The following MORC3 variants were observed in gnomAD, a reference collection of about 807,000 sequenced individuals.
MORC3 encodes MORC family CW-type zinc finger protein 3.
A neutral mutation model predicts 109.1 loss-of-function variants in MORC3; 31 were observed. That is an observed-to-expected ratio of 0.28 (90% CI 0.21 to 0.38). The LOEUF is 0.38. Ranked by LOEUF, MORC3 falls within the 10% of genes least tolerant of loss-of-function variation. The pLI is 1.00. For missense variants in MORC3, 867 were observed against 1,135.8 expected, an observed-to-expected ratio of 0.76 and a Z score of 3.40; for synonymous variants, 395 against 380.7, an observed-to-expected ratio of 1.04 and a Z score of -0.44.
At chr21:36,342,963 G>C (rs770791999) in intron 6 of MORC3, among the ~76,000 whole-genome samples, 1 of 151,484 alleles carries the variant, frequency 6.6e-6, no homozygotes, top group Non-Finnish European at 1.5e-5. Context: ...AGGTTGTGGT[G>C]AGCCAAGACC....
chr21:36,355,801 A>AG (rs1029038006), intron 9 of MORC3, among the ~76,000 whole-genome samples: 1 of 151,944 alleles, frequency 6.6e-6, no homozygotes, highest in African/African-American at 2.4e-5. Flanking sequence ...TGAAAAAAAA[A>AG]AAAAATTAGC....
intron 2 of MORC3, among the ~76,000 whole-genome samples, chr21:36,334,791 C>T (rs999944871): frequency 5.3e-5 from 8 of 152,214 alleles, no homozygotes; most frequent in African/African-American, 1.9e-4. Flanking sequence ...GGCAAGGTTG[C>T]GGTCTGATTT....
chr21:36,344,371 T>TG (rs2085485230), intron 6 of MORC3, among the ~76,000 whole-genome samples: 1 of 152,242 alleles, frequency 6.6e-6, no homozygotes, highest in Non-Finnish European at 1.5e-5. Flanking sequence ...GATTGTATTC[T>TG]GCAAGTCATT....
intron 1 of MORC3, among the ~76,000 whole-genome samples, chr21:36,332,408 C>T (rs1470351109): frequency 6.6e-6 from 1 of 152,028 alleles, no homozygotes; most frequent in African/African-American, 2.4e-5. Flanking sequence ...TGCGTTACAG[C>T]CTAGGTGACA....
intron 8 of MORC3, among the ~76,000 whole-genome samples, chr21:36,345,712 A>G (rs943779088): frequency 6.6e-6 from 1 of 151,884 alleles, no homozygotes; most frequent in Non-Finnish European, 1.5e-5. Flanking sequence ...GTGCCACCGC[A>G]CTCGGCCAGT....
At chr21:36,328,847 GGAA>G (rs1379661598) in intron 1 of MORC3, among the ~76,000 whole-genome samples, 1 of 148,734 alleles carries the variant, frequency 6.7e-6, no homozygotes, top group South Asian at 2.1e-4. Context: ...GGGCCACATT[GGAA>G]GAAGAATTGT....
chr21:36,348,805 G>A (rs2085540927), intron 8 of MORC3, among the ~76,000 whole-genome samples: 1 of 152,122 alleles, frequency 6.6e-6, no homozygotes, highest in Non-Finnish European at 1.5e-5. Context: ...AGGCTCTAGT[G>A]TATTTAGAAA....
In MORC3 at chr21:36,340,973, G is replaced by A. The variant is rs2085439114; in HGVS notation, c.609-426G>A. Among the ~76,000 whole-genome samples, 3 of 152,142 alleles carry A rather than the reference G, an allele frequency of 2.0e-5. No individual in the cohort carries two copies. The South Asian group carries it at 6.2e-4, about 31-fold the overall frequency. Reference sequence around the variant, plus strand: ...TTTTCTTGCTGAGTAGTGTTTCATTGTATGTATGGAACCCAGTGTGTTTAC... The same window carrying A: ...TTTTCTTGCTGAGTAGTGTTTCATTATATGTATGGAACCCAGTGTGTTTAC... On this transcript the variant is annotated intron_variant, in intron 5 of 16. Coordinates refer to ENST00000400485, the MANE Select transcript of MORC3 (RefSeq NM_015358.3).
intron 12 of MORC3, 58 bp from the exon 13 acceptor site, chr21:36,362,125 A>T: frequency 9.8e-6 from 15 of 1,535,586 alleles, no homozygotes; most frequent in Non-Finnish European, 1.3e-5. Context: ...AATGGCAGGT[A>T]TGTCATTGGG....
At chr21:36,372,323 A>T (rs753575226) in intron 15 of MORC3, 51 bp from the exon 16 acceptor site, 9 of 1,443,356 alleles carry the variant, frequency 6.2e-6, no homozygotes, top group Non-Finnish European at 2.8e-6. Flanking sequence ...TCACTTTGCC[A>T]TTAGTATTTT....
chr21:36,345,206 C>G (rs1301920981), intron 8 of MORC3, among the ~76,000 whole-genome samples, 175 bp downstream of exon 8: 1 of 150,206 alleles, frequency 6.7e-6, no homozygotes, highest in Non-Finnish European at 1.5e-5. Flanking sequence ...ACTCCCCTCC[C>G]CTCCCCTCCC....
chr21:36,343,274 T>C (rs2085470881), intron 6 of MORC3, among the ~76,000 whole-genome samples: 1 of 151,678 alleles, frequency 6.6e-6, no homozygotes, highest in Admixed American at 6.6e-5. Flanking sequence ...TTTGCATTTT[T>C]AGTAGAGACA....
Position 36,362,142 on chromosome 21 carries a change from G to A in MORC3, c.1407-41G>A, listed in dbSNP as rs190206316. The stretch of plus-strand genomic sequence containing the variant: ...TGGCAGGTATGTCATTGGGAAATGG[G>A]ATTGAGAAATAACAACATGTTTTTC... On this transcript the variant is annotated intron_variant, in intron 12 of 16. Transcript: ENST00000400485. 2,630 of 1,598,442 alleles carry A rather than the reference G, an allele frequency of 1.6e-3. 5 individuals are homozygous for A. The highest frequency in any genetic ancestry group is 2.0e-3 in the Non-Finnish European group (2,387 of 1,168,034).
In MORC3 at chr21:36,320,216, C is replaced by G; in HGVS notation, c.-49C>G. 6.4e-7 allele frequency: 1 copy of G among 1,562,610 alleles called. No individual in the cohort carries two copies. The highest frequency in any genetic ancestry group is 8.7e-7 in the Non-Finnish European group (1 of 1,153,906). On this transcript the variant is annotated 5_prime_UTR_variant, in exon 1 of 17. Coordinates refer to ENST00000400485, the MANE Select transcript of MORC3 (RefSeq NM_015358.3). ...GGCTCCACAGTCGTTCCGCCACCTC[C>G]CAGTCGGGTTGCGGCGGAGGCCGTT...
intron 2 of MORC3, 101 bp downstream of exon 2, chr21:36,333,819 G>C (rs1219044865): frequency 4.1e-6 from 4 of 986,380 alleles, no homozygotes; most frequent in Admixed American, 2.6e-5. Context: ...GTCTCTCTCT[G>C]TCGCCCAGGC....
At chr21:36,340,700 C>T (rs2085435447) in intron 5 of MORC3, among the ~76,000 whole-genome samples, 1 of 149,490 alleles carries the variant, frequency 6.7e-6, no homozygotes. Context: ...AGTATAGCGC[C>T]ATCTCGGCTC....
chr21:36,335,024 G>A (rs1286871032), intron 2 of MORC3, among the ~76,000 whole-genome samples: 1 of 152,110 alleles, frequency 6.6e-6, no homozygotes, highest in Non-Finnish European at 1.5e-5. Flanking sequence ...TAGTGACTCG[G>A]GAGTCTGAGG....
At chr21:36,328,088 G>C (rs1036699689) in intron 1 of MORC3, among the ~76,000 whole-genome samples, 1 of 151,970 alleles carries the variant, frequency 6.6e-6, no homozygotes, top group Non-Finnish European at 1.5e-5. Flanking sequence ...TGTTGGCCAG[G>C]CTGGTCTCAA....
intron 8 of MORC3, among the ~76,000 whole-genome samples, chr21:36,346,469 A>G (rs1431016256): frequency 6.6e-6 from 1 of 152,050 alleles, no homozygotes; most frequent in African/African-American, 2.4e-5. Flanking sequence ...AGGTAGGAGG[A>G]TTGCTTGAGG....
Sources: gnomAD v4.1 joint callset for allele counts (sites outside exome capture counted in the v4.1 genomes callset) on GRCh38, gnomAD v4.1.1 for gene constraint, MANE v1.5 for transcripts, NCBI Gene and HGNC (gene_info 2026-07-23, HGNC 2026-07-21) for gene names.